Variants in MEIOSIN observed in about 807,000 individuals in gnomAD.
MEIOSIN encodes the protein meiosis initiator protein.
In MEIOSIN, 18 loss-of-function variants were observed where a neutral mutation model predicts 23.4. That is an observed-to-expected ratio of 0.77 (90% CI 0.53 to 1.14). The LOEUF (loss-of-function observed/expected upper bound fraction) is 1.14. MEIOSIN is among the 50% of genes most tolerant of loss of function. The pLI, the probability that MEIOSIN is intolerant of heterozygous loss-of-function variation, is 0.00. For missense variants in MEIOSIN, 428 were observed against 242.9 expected (o/e 1.76, Z -5.07); for synonymous variants, 187 against 100.6 (o/e 1.86, Z -5.14).
At chr19:45,758,039 C>T in intron 9 of MEIOSIN, among the ~76,000 whole-genome samples, 1 of 151,718 alleles carries the variant, frequency 6.6e-6, no homozygotes, top group Non-Finnish European at 1.5e-5. Context: ...CTCTTGTCTC[C>T]CAGGCTAGAG....
chr19:45,738,741 G>A (rs776212221), intron 2 of MEIOSIN, among the ~76,000 whole-genome samples: 25 of 152,172 alleles, frequency 1.6e-4, no homozygotes, highest in Non-Finnish European at 2.9e-4. Context: ...AAAATGTTAA[G>A]TCCGACTGTT....
chr19:45,755,858 T>C (rs1380788260), intron 7 of MEIOSIN, 112 bp from the exon 8 acceptor site: 7 of 626,332 alleles, frequency 1.1e-5, no homozygotes, highest in Middle Eastern at 8.4e-4. Context: ...TGGGCTAGGA[T>C]TGGGGAGTGA....
intron 2 of MEIOSIN, among the ~76,000 whole-genome samples, chr19:45,737,222 G>T (rs1009944142): frequency 1.3e-5 from 2 of 151,298 alleles, no homozygotes; most frequent in Non-Finnish European, 2.9e-5. Context: ...ACCTAGGCTG[G>T]AATGTGGAAT....
chr19:45,763,411 G>A lies in MEIOSIN; in HGVS notation c.1753G>A (p.Glu585Lys), dbSNP rs907236966. ...AQLWRVMTQQ[E>K]RRPYCTKARR... Reference sequence around the variant, plus strand: ...GCTGTGGCGGGTGATGACCCAGCAGGAGCGGAGGCCATACTGGTGAGAGGC... The same window carrying A: ...GCTGTGGCGGGTGATGACCCAGCAGAAGCGGAGGCCATACTGGTGAGAGGC... The change falls in exon 14 of 15, where the codon GAG becomes AAG. Residue 585 changes from glutamate (E) to lysine (K), a missense_variant. Glu to Lys is a moderately conservative substitution (Grantham distance 56, BLOSUM62 1). Coordinates refer to ENST00000457052, the MANE Select transcript of MEIOSIN (RefSeq NM_001310124.2). 8 of 398,592 alleles carry A rather than the reference G, an allele frequency of 2.0e-5. No individual in the cohort carries two copies. The highest frequency in any genetic ancestry group is 3.5e-5 in the Non-Finnish European group (8 of 226,160). The allele number at this position is 398,592 out of a possible 1,614,324, so 24.7% of individuals were successfully genotyped here.
At chr19:45,744,530 T>C (rs1600379035) in intron 3 of MEIOSIN, among the ~76,000 whole-genome samples, 1 of 152,066 alleles carries the variant, frequency 6.6e-6, no homozygotes, top group Admixed American at 6.6e-5. Context: ...TTTGTTTTTC[T>C]CCTGCCTCAG....
rs550747181 is a variant in MEIOSIN, at chr19:45,734,780, C to T, written c.1-597C>T. Among the ~76,000 whole-genome samples, 15 of 150,484 alleles carry T rather than the reference C, an allele frequency of 1.0e-4. No homozygotes were observed. The East Asian group carries it at 1.4e-3, about 14-fold the overall frequency. The stretch of plus-strand genomic sequence containing the variant: ...TTGGCCTCCCAAAGTGCTAGGATTA[C>T]AGGCGTGAGCCACTGTACCTGGCTT... On this transcript the variant is annotated intron_variant, in intron 1 of 14. Transcript: ENST00000457052.
At chr19:45,759,077 C>T (rs1311911861) in intron 10 of MEIOSIN, 44 bp downstream of exon 10, 1 of 702,658 alleles carries the variant, frequency 1.4e-6, no homozygotes, top group South Asian at 1.5e-5. Flanking sequence ...ATTCGGGAAA[C>T]ATACGGTGCC....
chr19:45,742,116 T>C (rs1968516323), intron 3 of MEIOSIN, among the ~76,000 whole-genome samples: 1 of 152,118 alleles, frequency 6.6e-6, no homozygotes. Flanking sequence ...CCTCAGGTGA[T>C]CCACCTGCCT....
chr19:45,738,817 A>G lies in MEIOSIN; in HGVS notation c.72-809A>G, dbSNP rs558762527. 3.3e-5 allele frequency among the ~76,000 whole-genome samples: 5 copies of G among 152,310 alleles called. No homozygotes were observed. The South Asian group carries it at 1.0e-3, about 32-fold the overall frequency. ...AGATACTATGCTCAGAAGAAGCACC[A>G]TGAAGAAAATGAAGAATGCCTATCC... On this transcript the variant is annotated intron_variant, in intron 2 of 14. Coordinates refer to ENST00000457052, the MANE Select transcript of MEIOSIN (RefSeq NM_001310124.2).
At chr19:45,734,850 C>G (rs993743353) in intron 1 of MEIOSIN, among the ~76,000 whole-genome samples, 2 of 151,798 alleles carry the variant, frequency 1.3e-5, no homozygotes, top group East Asian at 3.9e-4. Context: ...TTTTGGGACT[C>G]TAAAGTATTA....
intron 3 of MEIOSIN, among the ~76,000 whole-genome samples, chr19:45,740,696 G>C (rs1968486168): frequency 2.0e-5 from 3 of 151,472 alleles, no homozygotes; most frequent in Non-Finnish European, 4.4e-5. Flanking sequence ...GTTGCAGTGA[G>C]CCGAGATCGT....
intron 9 of MEIOSIN, among the ~76,000 whole-genome samples, 160 bp downstream of exon 9, chr19:45,757,437 C>T (rs568706539): frequency 6.6e-6 from 1 of 152,274 alleles, no homozygotes; most frequent in East Asian, 1.9e-4. Context: ...TCTCCGCCAC[C>T]GCTGCCACGG....
chr19:45,761,977 C>CGAAGAG lies in MEIOSIN; in HGVS notation c.1476_1481dup (p.Glu492_Glu493dup). ...ACCCTGTGGGCACGCCGGGCTCCAGCGAAGAGGACGAAGACACCACATGGA... is the reference window on the plus strand; with the variant it reads ...ACCCTGTGGGCACGCCGGGCTCCAGCGAAGAGGAAGAGGACGAAGACACCACATGGA... On this transcript the variant is annotated inframe_insertion, in exon 13 of 15. Transcript: ENST00000457052. 1 of 558,842 alleles carries CGAAGAG rather than the reference C, an allele frequency of 1.8e-6. No individual in the cohort carries two copies. The highest frequency in any genetic ancestry group is 3.2e-6 in the Non-Finnish European group (1 of 312,686). 34.6% of individuals were successfully genotyped at this position (558,842 alleles called of 1,614,324 possible).
intron 4 of MEIOSIN, among the ~76,000 whole-genome samples, chr19:45,749,557 G>A (rs1968653362): frequency 1.3e-5 from 2 of 149,810 alleles, no homozygotes; most frequent in African/African-American, 2.5e-5. Context: ...GGCGCCTGTA[G>A]TCCCAGCTAC....
At chr19:45,758,618 C>T (rs564504527) in intron 9 of MEIOSIN, among the ~76,000 whole-genome samples, 20 of 152,010 alleles carry the variant, frequency 1.3e-4, no homozygotes, top group African/African-American at 3.6e-4. Flanking sequence ...TTAGTAGAGA[C>T]GGGGTTTCAC....
chr19:45,759,865 G>T (rs374482946), intron 11 of MEIOSIN, among the ~76,000 whole-genome samples: 1 of 151,992 alleles, frequency 6.6e-6, no homozygotes, highest in Non-Finnish European at 1.5e-5. Context: ...GCAGTGGTGC[G>T]ATCTCGGCTC....
intron 4 of MEIOSIN, among the ~76,000 whole-genome samples, chr19:45,748,827 G>A (rs1297073058): frequency 6.6e-6 from 1 of 152,130 alleles, no homozygotes; most frequent in Non-Finnish European, 1.5e-5. Flanking sequence ...CCAGCACTTT[G>A]GGAGGCCGAG....
chr19:45,756,480 C>T (rs1046680170), intron 8 of MEIOSIN, among the ~76,000 whole-genome samples: 2 of 152,180 alleles, frequency 1.3e-5, no homozygotes, highest in Non-Finnish European at 2.9e-5. Context: ...AGCAGTGGCA[C>T]AATCATAGGT....
chr19:45,745,238 A>T lies in MEIOSIN; in HGVS notation c.223A>T (p.Arg75Trp), dbSNP rs1228172925. ...GCTCCTGTCCCCAAACAAGAAGCAG[A>T]GGAAAAACCACACTAGCAAGCTGCA... ...NKLLSPNKKQ[R>W]KNHTSKLQEL... Residue 75 changes from arginine (R) to tryptophan (W), a missense_variant, in exon 4 of 15, where the codon AGG (arginine) becomes TGG (tryptophan). By Grantham distance (101) the Arg-to-Trp change is moderately radical (BLOSUM62 -3). Transcript: ENST00000457052. The T allele has an allele frequency of 4.3e-6, 3 of 702,888 alleles. No individual in the cohort carries two copies. The highest frequency in any genetic ancestry group is 7.8e-6 in the Non-Finnish European group (3 of 385,022). The allele number at this position is 702,888 out of a possible 1,614,324, so 43.5% of individuals were successfully genotyped here.
Sources: gnomAD v4.1 joint callset for allele counts (sites outside exome capture counted in the v4.1 genomes callset) on GRCh38, gnomAD v4.1.1 for gene constraint, MANE v1.5 for transcripts, NCBI Gene and HGNC (gene_info 2026-07-23, HGNC 2026-07-21) for gene names.